CD44: variants seen among roughly 807,000 people sequenced by gnomAD.
CD44 encodes the protein CD44 antigen.
CD44 carries 49 observed loss-of-function variants against 88.8 expected under a neutral mutation model. That is an observed-to-expected ratio of 0.55 (90% CI 0.44 to 0.70). The LOEUF (loss-of-function observed/expected upper bound fraction) is 0.70. Ranked by LOEUF, CD44 falls within the 30% of genes least tolerant of loss-of-function variation. The pLI, the probability that CD44 is intolerant of heterozygous loss-of-function variation, is 0.00. For missense variants in CD44, 883 were observed against 913.8 expected (o/e 0.97, Z 0.43); for synonymous variants, 325 against 312.3 (o/e 1.04, Z -0.43).
chr11:35,203,629 G>T (rs1052285474), intron 9 of CD44, among the ~76,000 whole-genome samples: 1 of 151,628 alleles, frequency 6.6e-6, no homozygotes, highest in South Asian at 2.1e-4. Context: ...TCTAAGATAA[G>T]GAAATACAAC....
intron 16 of CD44, among the ~76,000 whole-genome samples, chr11:35,220,628 A>G (rs753575519): frequency 6.6e-6 from 1 of 152,232 alleles, no homozygotes; most frequent in Non-Finnish European, 1.5e-5. Flanking sequence ...AAATGTGTAG[A>G]ATATTAATCC....
intron 1 of CD44, among the ~76,000 whole-genome samples, chr11:35,169,602 G>C (rs1943657740): frequency 6.6e-6 from 1 of 152,098 alleles, no homozygotes; most frequent in South Asian, 2.1e-4. Context: ...TGGCAACTTG[G>C]GTGAAAATTA....
chr11:35,194,842 A>C (rs536795599), intron 5 of CD44, among the ~76,000 whole-genome samples: 1 of 152,372 alleles, frequency 6.6e-6, no homozygotes, highest in South Asian at 2.1e-4. Flanking sequence ...GAAAAACTAC[A>C]AATGAATGAA....
chr11:35,148,381 A>G (rs1055267488), intron 1 of CD44, among the ~76,000 whole-genome samples: 1 of 152,132 alleles, frequency 6.6e-6, no homozygotes, highest in South Asian at 2.1e-4. Flanking sequence ...CAAGAGGGGG[A>G]GGGGAATTCA....
chr11:35,222,802 G>A, intron 17 of CD44: 1 of 984,940 alleles, frequency 1.0e-6, no homozygotes. Context: ...TGTCCCTTTA[G>A]ATGGTTTCTC....
chr11:35,220,207 G>A (rs979330442), intron 16 of CD44, among the ~76,000 whole-genome samples: 13 of 152,286 alleles, frequency 8.5e-5, no homozygotes, highest in Middle Eastern at 3.4e-3. Flanking sequence ...AGAGACAGGG[G>A]TGGGCTGTCC....
intron 1 of CD44, among the ~76,000 whole-genome samples, chr11:35,171,015 A>T (rs965700503): frequency 1.3e-5 from 2 of 152,236 alleles, no homozygotes; most frequent in Non-Finnish European, 2.9e-5. Flanking sequence ...CCCACCTCAT[A>T]GGAATGTTTT....
intron 17 of CD44, among the ~76,000 whole-genome samples, chr11:35,225,402 C>T (rs1440111511): frequency 6.6e-6 from 1 of 152,192 alleles, no homozygotes; most frequent in Admixed American, 6.6e-5. Context: ...GGTGAGGTCT[C>T]AGTCTGCCTC....
chr11:35,145,724 C>A (rs1859013629), intron 1 of CD44, among the ~76,000 whole-genome samples: 1 of 152,176 alleles, frequency 6.6e-6, no homozygotes. Context: ...ACTCCTCCAA[C>A]CCCCATGTCT....
rs143128233 is a variant in CD44 at position 35,217,231 on chromosome 11, G to A, written c.1874-2085G>A. Among the ~76,000 whole-genome samples, 877 of 150,412 alleles carry A rather than the reference G, an allele frequency of 5.8e-3. 9 individuals are homozygous for A. Among genetic ancestry groups the A allele is most frequent in the Non-Finnish European group, 9.7e-3 (656 of 67,762 alleles). ...AACAGGAGGTTTCATCTTGCTGCAC[G>A]CACACCCAGATCTTTTCTTGCTGGG... is the stretch of plus-strand genomic sequence containing the variant. On this transcript the variant is annotated intron_variant, in intron 15 of 17. Transcript: ENST00000428726.
At chr11:35,165,240 C>G (rs1441632865) in intron 1 of CD44, among the ~76,000 whole-genome samples, 29 of 152,214 alleles carry the variant, frequency 1.9e-4, no homozygotes, top group Admixed American at 1.8e-3. Context: ...TGAAAACCAT[C>G]AATCTTCTCT....
At chr11:35,184,009 G>A (rs908090659) in intron 3 of CD44, among the ~76,000 whole-genome samples, 2 of 152,086 alleles carry the variant, frequency 1.3e-5, no homozygotes, top group Non-Finnish European at 2.9e-5. Flanking sequence ...TGGTTATTTT[G>A]GTGTGTTGAA....
chr11:35,181,138 T>A (rs1944948237), intron 3 of CD44, among the ~76,000 whole-genome samples: 2 of 152,166 alleles, frequency 1.3e-5, no homozygotes, highest in African/African-American at 4.8e-5. Context: ...GTAAGTCAAA[T>A]GTCTTAGCTG....
At chr11:35,175,398 G>A (rs563694702) in intron 1 of CD44, among the ~76,000 whole-genome samples, 4 of 152,266 alleles carry the variant, frequency 2.6e-5, no homozygotes, top group Admixed American at 2.6e-4. Context: ...CTTAAATCTA[G>A]AACTGTATAT....
At chr11:35,205,192 G>A (rs1268927940) in intron 10 of CD44, among the ~76,000 whole-genome samples, 1 of 152,178 alleles carries the variant, frequency 6.6e-6, no homozygotes, top group East Asian at 1.9e-4. Flanking sequence ...TTGTGAGATT[G>A]TGGAAATTGG....
At chr11:35,189,463 A>C (rs1946052285) in intron 4 of CD44, among the ~76,000 whole-genome samples, 1 of 152,296 alleles carries the variant, frequency 6.6e-6, no homozygotes, top group South Asian at 2.1e-4. Context: ...TGGGAGAATG[A>C]TTATTTATTG....
chr11:35,149,246 C>T lies in CD44; in HGVS notation c.67+9876C>T, dbSNP rs916865072. On this transcript the variant is annotated intron_variant, in intron 1 of 17. Transcript: ENST00000428726. ...GGAATAAAAGGGCAGTTGTTTCTTT[C>T]GGTCAATGGTTTGAAAACCTCCCAG... is the stretch of plus-strand genomic sequence containing the variant. Among the ~76,000 whole-genome samples, 19 of 152,312 alleles carry T rather than the reference C, an allele frequency of 1.2e-4. No homozygotes were observed. In the East Asian group the frequency reaches 2.9e-3, roughly 23 times the overall value.
intron 3 of CD44, among the ~76,000 whole-genome samples, chr11:35,183,407 C>G (rs1230914692): frequency 6.6e-6 from 1 of 151,432 alleles, no homozygotes; most frequent in East Asian, 1.9e-4. Context: ...TTCTGAATGT[C>G]TTGGATTAGA....
intron 5 of CD44, among the ~76,000 whole-genome samples, chr11:35,194,522 CACA>C (rs1040713004): frequency 3.2e-4 from 48 of 152,274 alleles, no homozygotes; most frequent in Non-Finnish European, 1.5e-4. Context: ...CTCAGGATCT[CACA>C]ACAACAGCAA....
Sources: gnomAD v4.1 joint callset for allele counts (sites outside exome capture counted in the v4.1 genomes callset) on GRCh38, gnomAD v4.1.1 for gene constraint, MANE v1.5 for transcripts, NCBI Gene and HGNC (gene_info 2026-07-23, HGNC 2026-07-21) for gene names.